The following FMN1 variants were observed in gnomAD, a reference collection of about 807,000 sequenced individuals.
The protein encoded by FMN1 is formin 1.
A neutral mutation model predicts 132.4 loss-of-function variants in FMN1; 110 were observed. That is an observed-to-expected ratio of 0.83 (90% CI 0.71 to 0.97). The LOEUF (loss-of-function observed/expected upper bound fraction) is 0.97, where lower values mean the gene tolerates loss of function less well. Among genes scored for constraint, FMN1 ranks in the 50% least tolerant of loss-of-function variants. The pLI is 0.00. For missense variants in FMN1, 1,792 were observed against 1,705.3 expected (o/e 1.05, Z -0.90); for synonymous variants, 722 against 651.7 (o/e 1.11, Z -1.64).
rs1013318421 is a variant in FMN1 at position 32,772,920 on chromosome 15, G to C, written c.*1390C>G. The C allele has an allele frequency of 6.6e-6, 1 of 152,472 alleles. No homozygotes were observed. The highest frequency in any genetic ancestry group is 2.4e-5 in the African/African-American group (1 of 41,468). The allele number at this position is 152,472 out of a possible 1,614,324, so 9.4% of individuals were successfully genotyped here. The stretch of plus-strand genomic sequence containing the variant: ...GGCAAGGGGCAGGCCACATGTGGAG[G>C]CTGGATCAGGAAGGAATTTAAGATT... On this transcript the variant is annotated 3_prime_UTR_variant, in exon 21 of 21. Coordinates refer to ENST00000616417, the MANE Select transcript of FMN1 (RefSeq NM_001277313.2).
intron 7 of FMN1, among the ~76,000 whole-genome samples, chr15:32,979,055 A>G (rs1418237289): frequency 2.0e-5 from 3 of 152,208 alleles, no homozygotes; most frequent in Non-Finnish European, 4.4e-5. Flanking sequence ...GCAACTTTAC[A>G]AATGATACAG....
At chr15:33,110,027 T>A (rs144539710) in intron 4 of FMN1, among the ~76,000 whole-genome samples, 1 of 152,078 alleles carries the variant, frequency 6.6e-6, no homozygotes, top group Non-Finnish European at 1.5e-5. Context: ...AGTGCACGAA[T>A]ACTCTTCAGG....
At chr15:32,877,997 T>C (rs1567313209) in intron 16 of FMN1, among the ~76,000 whole-genome samples, 2 of 152,160 alleles carry the variant, frequency 1.3e-5, no homozygotes, top group East Asian at 1.9e-4. Context: ...AGAGAAAATT[T>C]ACAAACAAAT....
At chr15:32,961,671 G>C (rs940271289) in intron 9 of FMN1, among the ~76,000 whole-genome samples, 3 of 152,202 alleles carry the variant, frequency 2.0e-5, no homozygotes, top group African/African-American at 7.2e-5. Flanking sequence ...AGCACTGACA[G>C]TGAGCCAGGC....
At chr15:33,104,733 A>G (rs1237662109) in intron 4 of FMN1, among the ~76,000 whole-genome samples, 2 of 152,148 alleles carry the variant, frequency 1.3e-5, no homozygotes, top group African/African-American at 4.8e-5. Context: ...GTGTGAATTA[A>G]CTGAAAAAGA....
At chr15:33,094,378 G>A (rs754048332) in intron 4 of FMN1, among the ~76,000 whole-genome samples, 5 of 152,154 alleles carry the variant, frequency 3.3e-5, no homozygotes, top group African/African-American at 9.7e-5. Flanking sequence ...TATACAATGA[G>A]GGCATATCCA....
At chr15:32,988,057 T>TTTTG (rs2033187051) in intron 7 of FMN1, among the ~76,000 whole-genome samples, 1 of 150,232 alleles carries the variant, frequency 6.7e-6, no homozygotes, top group African/African-American at 2.4e-5. Context: ...CAGTTTTTTT[T>TTTTG]TTTTTTTTTT....
intron 16 of FMN1, among the ~76,000 whole-genome samples, chr15:32,879,276 A>G (rs1326593988): frequency 6.6e-6 from 1 of 152,236 alleles, no homozygotes; most frequent in African/African-American, 2.4e-5. Flanking sequence ...GCAAAACTAA[A>G]TATTTTTAAC....
chr15:32,867,588 G>C (rs970745882), intron 16 of FMN1, among the ~76,000 whole-genome samples: 3 of 151,618 alleles, frequency 2.0e-5, no homozygotes, highest in Admixed American at 1.3e-4. Context: ...CTCACTGCAA[G>C]CTCCGCCTCA....
In FMN1 at chr15:32,994,232, T is replaced by TCTCTCTCTCTCTCTCTCTCTCTCTCA. The variant is rs904998781; in HGVS notation, c.2223+13781_2223+13782insTGAGAGAGAGAGAGAGAGAGAGAGAG. On this transcript the variant is annotated intron_variant, in intron 7 of 20. Transcript: ENST00000616417. ...TCATTCCTCTCTCTCTCTCTCTCTC[T>TCTCTCTCTCTCTCTCTCTCTCTCTCA]CACACACACACACACACAGACACAC... Among the ~76,000 whole-genome samples, 273 of 37,210 alleles carry TCTCTCTCTCTCTCTCTCTCTCTCTCA rather than the reference T, an allele frequency of 7.3e-3. 2 individuals carry two copies. Among genetic ancestry groups the TCTCTCTCTCTCTCTCTCTCTCTCTCA allele is most frequent in the East Asian group, 0.028 (32 of 1,158 alleles). 24.4% of individuals were successfully genotyped at this position (37,210 alleles called of 152,430 possible). A position where few individuals can be genotyped will look rare whatever the true frequency, so the allele number is the denominator to read the frequency against.
At chr15:33,054,751 C>T (rs1482033150) in intron 6 of FMN1, among the ~76,000 whole-genome samples, 2 of 152,178 alleles carry the variant, frequency 1.3e-5, no homozygotes, top group Non-Finnish European at 2.9e-5. Context: ...AAAATGCAGG[C>T]TGAAATTCTT....
At chr15:33,045,313 T>C (rs1000387757) in intron 6 of FMN1, among the ~76,000 whole-genome samples, 5 of 152,134 alleles carry the variant, frequency 3.3e-5, no homozygotes, top group African/African-American at 1.2e-4. Flanking sequence ...TTGCCCTTGG[T>C]AGGCATGGAG....
intron 6 of FMN1, among the ~76,000 whole-genome samples, chr15:33,015,836 T>TA (rs1306717863): frequency 3.3e-5 from 5 of 152,370 alleles, no homozygotes; most frequent in Non-Finnish European, 4.4e-5. Flanking sequence ...TTAAATGTTT[T>TA]AATGTGCATT....
intron 16 of FMN1, among the ~76,000 whole-genome samples, chr15:32,868,528 T>A (rs1044741602): frequency 6.6e-6 from 1 of 152,238 alleles, no homozygotes; most frequent in African/African-American, 2.4e-5. Context: ...TAACGACACA[T>A]TTCTCAGAAC....
At chr15:32,911,687 C>T (rs1164089618) in intron 10 of FMN1, among the ~76,000 whole-genome samples, 2 of 151,968 alleles carry the variant, frequency 1.3e-5, no homozygotes, top group African/African-American at 2.4e-5. Context: ...CTTTGCAGGC[C>T]ACCTTCTCAA....
At chr15:33,110,735 T>A (rs986597583) in intron 4 of FMN1, among the ~76,000 whole-genome samples, 1 of 151,960 alleles carries the variant, frequency 6.6e-6, no homozygotes, top group African/African-American at 2.4e-5. Context: ...TATTTAAAAA[T>A]GCAATATTAA....
At chr15:33,179,990 A>G (rs1230740531) in intron 3 of FMN1, among the ~76,000 whole-genome samples, 1 of 152,216 alleles carries the variant, frequency 6.6e-6, no homozygotes, top group Non-Finnish European at 1.5e-5. Context: ...TACTTACTTT[A>G]TTTAGGGGAC....
intron 9 of FMN1, among the ~76,000 whole-genome samples, chr15:32,933,727 T>G (rs2061183107): frequency 6.6e-6 from 1 of 152,186 alleles, no homozygotes; most frequent in Non-Finnish European, 1.5e-5. Context: ...TTTTCTTTTG[T>G]TAGAGTTTTT....
chr15:33,160,328 A>T (rs1017245456), intron 3 of FMN1, among the ~76,000 whole-genome samples: 3 of 152,212 alleles, frequency 2.0e-5, no homozygotes, highest in Non-Finnish European at 4.4e-5. Context: ...GAACTGGAGG[A>T]CTGAGCCAAA....
Sources: gnomAD v4.1 joint callset for allele counts (sites outside exome capture counted in the v4.1 genomes callset) on GRCh38, gnomAD v4.1.1 for gene constraint, MANE v1.5 for transcripts, NCBI Gene and HGNC (gene_info 2026-07-23, HGNC 2026-07-21) for gene names.